ZDHHC21: variants seen among roughly 807,000 people sequenced by gnomAD.
The protein encoded by ZDHHC21 is zDHHC palmitoyltransferase 21.
Under a neutral mutation model 34.6 loss-of-function variants are expected in ZDHHC21, and 15 were observed. The ratio of observed to expected loss-of-function variants is 0.43; its 90% CI spans 0.29 to 0.67. ZDHHC21 has a LOEUF of 0.67. Among genes scored for constraint, ZDHHC21 ranks in the 30% least tolerant of loss-of-function variants. The probability of loss-of-function intolerance (pLI) is 0.14; values close to 1 mark genes in which losing one functional copy is unlikely to be tolerated. For synonymous variants in ZDHHC21, 142 were observed against 101.8 expected (o/e 1.40, Z -2.38); for missense variants, 344 against 327.7 (o/e 1.05, Z -0.38).
At chr9:14,673,535 A>T (rs1227636811) in intron 4 of ZDHHC21, among the ~76,000 whole-genome samples, 1 of 151,848 alleles carries the variant, frequency 6.6e-6, no homozygotes, top group African/African-American at 2.4e-5. Context: ...GCGATAAAAA[A>T]AAAAAACATA....
chr9:14,639,919 T>G lies in ZDHHC21; in HGVS notation c.598A>C (p.Thr200Pro). ...MLVGITGLFY[T>P]QLIGIITDTT... ...ACTGTGATGATGCCAATTAGTTGAG[T>G]GTAAAAGAGTCCAGTTATTCCAACT... Residue 200 changes from threonine to proline, a missense_variant, in exon 8 of 10, where the codon ACT becomes CCT. Coordinates refer to ENST00000380916, the MANE Select transcript of ZDHHC21 (RefSeq NM_178566.6). 1 of 1,602,744 alleles carries G rather than the reference T, an allele frequency of 6.2e-7. No individual in the cohort carries two copies. Among genetic ancestry groups the G allele is most frequent in the Non-Finnish European group, 8.5e-7 (1 of 1,172,898 alleles).
chr9:14,647,222 A>C (rs1830409206), intron 7 of ZDHHC21, among the ~76,000 whole-genome samples: 1 of 152,148 alleles, frequency 6.6e-6, no homozygotes, highest in South Asian at 2.1e-4. Context: ...ATAATCTTTT[A>C]GAACTGTATC....
chr9:14,651,091 G>C (rs1831159694), intron 7 of ZDHHC21, among the ~76,000 whole-genome samples: 1 of 151,820 alleles, frequency 6.6e-6, no homozygotes. Context: ...TAAAAACCTT[G>C]TATTTTCTCA....
intron 8 of ZDHHC21, among the ~76,000 whole-genome samples, chr9:14,621,357 T>C (rs1025200032): frequency 1.3e-5 from 2 of 152,120 alleles, no homozygotes; most frequent in African/African-American, 2.4e-5. Flanking sequence ...ACAACTTGTT[T>C]ATAATCCTGA....
intron 8 of ZDHHC21, among the ~76,000 whole-genome samples, chr9:14,633,419 C>T (rs758522212): frequency 2.0e-5 from 3 of 152,156 alleles, no homozygotes; most frequent in Non-Finnish European, 4.4e-5. Context: ...CCTAAACCCT[C>T]ACAAGTCTCA....
At chr9:14,636,185 G>C (rs189225646) in intron 8 of ZDHHC21, among the ~76,000 whole-genome samples, 1 of 152,042 alleles carries the variant, frequency 6.6e-6, no homozygotes, top group Non-Finnish European at 1.5e-5. Flanking sequence ...CATCTCACCT[G>C]TAAAGACACA....
At chr9:14,658,350 G>A (rs552548293) in intron 7 of ZDHHC21, among the ~76,000 whole-genome samples, 3 of 135,818 alleles carry the variant, frequency 2.2e-5, no homozygotes, top group African/African-American at 9.8e-5. Context: ...GTTTGCTTTT[G>A]TTGTTTTGTT....
chr9:14,676,432 A>G (rs1489532053), intron 3 of ZDHHC21, among the ~76,000 whole-genome samples: 1 of 151,984 alleles, frequency 6.6e-6, no homozygotes, highest in Non-Finnish European at 1.5e-5. Flanking sequence ...AAAGAGATTA[A>G]GGAATACTTG....
At chr9:14,598,574 A>G in the ZDHHC21 span, among the ~76,000 whole-genome samples, 4 of 152,190 alleles carry the variant, frequency 2.6e-5, no homozygotes, top group African/African-American at 9.6e-5. Flanking sequence ...GTCCAAAAGA[A>G]CACAATGATT....
chr9:14,660,584 T>A (rs1833207196), intron 6 of ZDHHC21, among the ~76,000 whole-genome samples: 1 of 152,118 alleles, frequency 6.6e-6, no homozygotes, highest in Non-Finnish European at 1.5e-5. Context: ...GGAAATTCAA[T>A]GATAAAAATT....
intron 8 of ZDHHC21, among the ~76,000 whole-genome samples, chr9:14,636,476 G>T (rs1440013528): frequency 1.3e-5 from 2 of 152,052 alleles, no homozygotes; most frequent in East Asian, 3.8e-4. Flanking sequence ...CTTGGACACA[G>T]GATTCTCAGC....
At position 14,652,097 on chromosome 9, in the gene ZDHHC21, T is replaced by C. The variant is rs144040846; in HGVS notation, c.504+6652A>G. ...ACTTCTCCAAACATCTCAAAGTTTATAATCTTTATTGATTTAGTGATTCTA... is the reference window on the plus strand; with the variant it reads ...ACTTCTCCAAACATCTCAAAGTTTACAATCTTTATTGATTTAGTGATTCTA... On this transcript the variant is annotated intron_variant, in intron 7 of 9. Coordinates refer to ENST00000380916, the MANE Select transcript of ZDHHC21 (RefSeq NM_178566.6). Among the ~76,000 whole-genome samples the C allele has an allele frequency of 2.8e-4, 42 of 152,126 alleles. 2 individuals carry two copies. The highest frequency in any genetic ancestry group is 9.9e-4 in the African/African-American group (41 of 41,572).
chr9:14,685,888 A>T (rs148270922), intron 2 of ZDHHC21, among the ~76,000 whole-genome samples: 6 of 152,336 alleles, frequency 3.9e-5, no homozygotes, highest in South Asian at 4.1e-4. Flanking sequence ...AAAAAGGATG[A>T]GTTCATGTCC....
At chr9:14,649,988 C>G (rs1236839883) in intron 7 of ZDHHC21, among the ~76,000 whole-genome samples, 4 of 151,972 alleles carry the variant, frequency 2.6e-5, no homozygotes, top group Admixed American at 1.3e-4. Context: ...GTAACTGTAA[C>G]AGTTTTACAG....
intron 5 of ZDHHC21, among the ~76,000 whole-genome samples, chr9:14,664,945 C>G (rs1834133314): frequency 6.6e-6 from 1 of 150,648 alleles, no homozygotes; most frequent in South Asian, 2.1e-4. Flanking sequence ...GAGCGTCTCT[C>G]CTCCTCCAAA....
chr9:14,681,201 C>T (rs998393460), intron 2 of ZDHHC21, among the ~76,000 whole-genome samples: 6 of 152,032 alleles, frequency 3.9e-5, no homozygotes, highest in African/African-American at 9.7e-5. Flanking sequence ...ACATATGACA[C>T]GTGATGATAT....
chr9:14,675,219 G>A (rs146065753), intron 3 of ZDHHC21, among the ~76,000 whole-genome samples: 71 of 151,350 alleles, frequency 4.7e-4, no homozygotes, highest in African/African-American at 1.6e-3. Context: ...ATATAAATAT[G>A]GTACCAAAAA....
Position 14,634,324 on chromosome 9 carries a change from C to T in ZDHHC21, c.621+5572G>A, listed in dbSNP as rs369641806. Among the ~76,000 whole-genome samples, 22 of 152,306 alleles carry T rather than the reference C, an allele frequency of 1.4e-4. 1 individual carries two copies. In the South Asian group the frequency reaches 4.1e-3, roughly 29 times the overall value. Reference sequence around the variant, plus strand: ...CACGCCATGCCCATTTCCCAGGACCCGAGAACCTGTCCACCTGCCTGGCGC... The same window carrying T: ...CACGCCATGCCCATTTCCCAGGACCTGAGAACCTGTCCACCTGCCTGGCGC... On this transcript the variant is annotated intron_variant, in intron 8 of 9. Transcript: ENST00000380916.
At chr9:14,664,545 C>G (rs1446086964) in intron 5 of ZDHHC21, among the ~76,000 whole-genome samples, 2 of 151,578 alleles carry the variant, frequency 1.3e-5, no homozygotes, top group Non-Finnish European at 2.9e-5. Context: ...TAGGCTCCAC[C>G]TCTGGGGGCA....
Sources: gnomAD v4.1 joint callset for allele counts (sites outside exome capture counted in the v4.1 genomes callset) on GRCh38, gnomAD v4.1.1 for gene constraint, MANE v1.5 for transcripts, NCBI Gene and HGNC (gene_info 2026-07-23, HGNC 2026-07-21) for gene names.